ADRA1B: variants seen among roughly 807,000 people sequenced by gnomAD.
ADRA1B encodes the protein alpha-1B adrenergic receptor.
ADRA1B carries 17 observed loss-of-function variants against 17.9 expected under a neutral mutation model. The ratio of observed to expected loss-of-function variants is 0.95; its 90% CI spans 0.65 to 1.42. The LOEUF is 1.42. Among genes scored for constraint, ADRA1B ranks in the 40% most tolerant of loss-of-function variants. The pLI is 0.00. For synonymous variants in ADRA1B, 366 were observed against 327.6 expected (o/e 1.12, Z -1.27); for missense variants, 681 against 722.1 (o/e 0.94, Z 0.65).
At chr5:159,940,095 G>A (rs750258818) in intron 1 of ADRA1B, among the ~76,000 whole-genome samples, 8 of 152,218 alleles carry the variant, frequency 5.3e-5, no homozygotes, top group Non-Finnish European at 8.8e-5. Context: ...AACTGTGAGG[G>A]TGGAAAAAGA....
intron 1 of ADRA1B, among the ~76,000 whole-genome samples, chr5:159,927,381 G>GCACACACACACACACACACACA (rs59807316): frequency 5.7e-4 from 80 of 140,734 alleles, no homozygotes; most frequent in East Asian, 3.1e-3. Flanking sequence ...ATTAAAACAT[G>GCACACACACACACACACACACA]CACACACACA....
intron 1 of ADRA1B, among the ~76,000 whole-genome samples, chr5:159,919,172 G>A (rs929480921): frequency 1.3e-5 from 2 of 152,208 alleles, no homozygotes; most frequent in African/African-American, 4.8e-5. Context: ...TCTAAAGCAG[G>A]CCTGCAGGCT....
chr5:159,894,482 T>C (rs919822299), intron 1 of ADRA1B, among the ~76,000 whole-genome samples: 4 of 152,126 alleles, frequency 2.6e-5, no homozygotes, highest in Non-Finnish European at 2.9e-5. Context: ...ATATTTACAC[T>C]TGGAGGGATA....
At chr5:159,901,505 T>C (rs1754101056) in intron 1 of ADRA1B, among the ~76,000 whole-genome samples, 1 of 151,882 alleles carries the variant, frequency 6.6e-6, no homozygotes, top group South Asian at 2.1e-4. Flanking sequence ...GAACCTGTTA[T>C]AAGTTATAAT....
chr5:159,911,925 T>C (rs1169429629), upstream of ADRA1B, among the ~76,000 whole-genome samples: 1 of 152,238 alleles, frequency 6.6e-6, no homozygotes, highest in Non-Finnish European at 1.5e-5. Flanking sequence ...ATTTCAGCTG[T>C]GCCACTTGTT....
chr5:159,963,288 G>GTATATATATATATATGTATATA (rs779436118), intron 1 of ADRA1B, among the ~76,000 whole-genome samples: 39 of 132,728 alleles, frequency 2.9e-4, no homozygotes, highest in East Asian at 1.3e-3. Context: ...AACAAAAAAA[G>GTATATATATATATATGTATATA]TATATATATA....
intron 1 of ADRA1B, chr5:159,868,351 G>T (rs1220432581): frequency 2.6e-5 from 4 of 152,194 alleles, no homozygotes; most frequent in Non-Finnish European, 4.4e-5. Flanking sequence ...GGAAATATGG[G>T]AGGGAAGGAT....
intron 1 of ADRA1B, among the ~76,000 whole-genome samples, chr5:159,945,657 G>C (rs1755248188): frequency 6.6e-6 from 1 of 152,108 alleles, no homozygotes; most frequent in South Asian, 2.1e-4. Flanking sequence ...TGATAGAAAG[G>C]TTAGCATTTT....
intron 1 of ADRA1B, chr5:159,887,930 C>T (rs919727735): frequency 1.3e-5 from 2 of 152,184 alleles, no homozygotes; most frequent in Non-Finnish European, 2.9e-5. Flanking sequence ...CCACCCCTCA[C>T]TTCAAGCAGT....
At position 159,945,394 on chromosome 5, in the gene ADRA1B, G is replaced by A. The variant is rs1755240739; in HGVS notation, c.950-26485G>A. Reference sequence around the variant, plus strand: ...TAAAAATAAGGAAAGAAAAAAGAGAGAAAGCTGCTCGTTGAGATCATGGGC... The same window carrying A: ...TAAAAATAAGGAAAGAAAAAAGAGAAAAAGCTGCTCGTTGAGATCATGGGC... On this transcript the variant is annotated intron_variant, in intron 1 of 1. Coordinates refer to ENST00000306675, the MANE Select transcript of ADRA1B (RefSeq NM_000679.4). Among the ~76,000 whole-genome samples the A allele has an allele frequency of 2.6e-5, 4 of 152,262 alleles. No individual in the cohort carries two copies. The South Asian group carries it at 8.3e-4, about 32-fold the overall frequency.
intron 1 of ADRA1B, among the ~76,000 whole-genome samples, chr5:159,896,670 T>G (rs12656915): frequency 0.1 from 15,481 of 152,282 alleles, 1,033 homozygotes; most frequent in African/African-American, 0.19. Context: ...AAATCCATCC[T>G]TGTTTTATGA....
chr5:159,886,673 T>C (rs545994020), intron 1 of ADRA1B, among the ~76,000 whole-genome samples: 4 of 152,186 alleles, frequency 2.6e-5, no homozygotes, highest in Non-Finnish European at 4.4e-5. Context: ...CATATTGATG[T>C]TGGCAATGTC....
chr5:159,882,096 T>C (rs189748842), intron 1 of ADRA1B, among the ~76,000 whole-genome samples: 1 of 152,114 alleles, frequency 6.6e-6, no homozygotes, highest in East Asian at 1.9e-4. Context: ...GTGCATAAAG[T>C]TTGTATGTGT....
the ADRA1B span, among the ~76,000 whole-genome samples, chr5:159,989,035 AT>A: frequency 6.6e-6 from 1 of 152,260 alleles, no homozygotes; most frequent in Non-Finnish European, 1.5e-5. Context: ...CTAGAAATGG[AT>A]TTTTTTGAGG....
At chr5:159,891,207 T>C (rs1753980192) in intron 1 of ADRA1B, among the ~76,000 whole-genome samples, 1 of 152,226 alleles carries the variant, frequency 6.6e-6, no homozygotes, top group Non-Finnish European at 1.5e-5. Flanking sequence ...CTAATTTCAA[T>C]AACCCCTCAG....
intron 1 of ADRA1B, among the ~76,000 whole-genome samples, chr5:159,923,502 C>T (rs1754550302): frequency 2.0e-5 from 3 of 152,224 alleles, no homozygotes; most frequent in African/African-American, 7.2e-5. Context: ...TCAGAATAAC[C>T]CTGGGGTTTC....
chr5:159,890,171 T>C (rs1203518910), intron 1 of ADRA1B, among the ~76,000 whole-genome samples: 1 of 152,086 alleles, frequency 6.6e-6, no homozygotes, highest in African/African-American at 2.4e-5. Flanking sequence ...GGATTCACCC[T>C]GTCCAGGAAG....
At position 159,952,598 on chromosome 5, in the gene ADRA1B, A is replaced by G. The variant is rs527264220; in HGVS notation, c.950-19281A>G. 8.0e-5 allele frequency among the ~76,000 whole-genome samples: 12 copies of G among 150,096 alleles called. No individual in the cohort carries two copies. The South Asian group carries it at 2.5e-3, about 31-fold the overall frequency. On this transcript the variant is annotated intron_variant, in intron 1 of 1. Coordinates refer to ENST00000306675, the MANE Select transcript of ADRA1B (RefSeq NM_000679.4). ...CATGACTGAGTAAATTACTTCTCTT[A>G]TAAGTGTCGATTTCAACATCTGTAA...
chr5:159,967,608 G>C (rs906894424), intron 1 of ADRA1B, among the ~76,000 whole-genome samples: 1 of 152,140 alleles, frequency 6.6e-6, no homozygotes, highest in African/African-American at 2.4e-5. Context: ...TTCTAAAGCT[G>C]AACAGCCAAT....
Sources: allele counts gnomAD v4.1 joint callset (sites outside exome capture counted in the v4.1 genomes callset), GRCh38; gene constraint gnomAD v4.1.1; transcripts MANE v1.5; gene names NCBI Gene and HGNC (gene_info 2026-07-23, HGNC 2026-07-21).